The following BCR variants were observed in gnomAD, a reference collection of about 807,000 sequenced individuals.
BCR encodes BCR activator of RhoGEF and GTPase, also known as breakpoint cluster region protein.
BCR carries 58 observed loss-of-function variants against 138.6 expected under a neutral mutation model. That is an observed-to-expected ratio of 0.42 (90% confidence interval 0.34 to 0.52). BCR has a LOEUF of 0.52. BCR is among the 20% of genes least tolerant of loss of function. The probability of loss-of-function intolerance (pLI) is 0.06; values close to 1 mark genes in which losing one functional copy is unlikely to be tolerated. For missense variants in BCR, 1,599 were observed against 1,727.2 expected, an observed-to-expected ratio of 0.93 and a Z score of 1.32; for synonymous variants, 786 against 730.1, an observed-to-expected ratio of 1.08 and a Z score of -1.23.
rs1224552166 is a variant in BCR at position 23,299,976 on chromosome 22, C to G, written c.3012+4821C>G. On this transcript the variant is annotated intron_variant, in intron 16 of 22. Coordinates refer to ENST00000305877, the MANE Select transcript of BCR (RefSeq NM_004327.4). ...ACCATGGGCAGCCTTTTTATCTTAG[C>G]CAGAAGGCTGAGAAGTAATTCCTTC... is the stretch of plus-strand genomic sequence containing the variant. Among the ~76,000 whole-genome samples the G allele has an allele frequency of 4.6e-5, 7 of 152,138 alleles. No homozygotes were observed. In the East Asian group the frequency reaches 1.3e-3, roughly 29 times the overall value.
chr22:23,206,383 G>A (rs536400733), intron 1 of BCR, among the ~76,000 whole-genome samples: 1 of 152,050 alleles, frequency 6.6e-6, no homozygotes, highest in South Asian at 2.1e-4. Flanking sequence ...GACCATCCTG[G>A]CTTACACGGT....
rs5996514 is a variant in BCR at position 23,289,336 on chromosome 22, C to A, written c.2603-181C>A. 3.3e-3 allele frequency among the ~76,000 whole-genome samples: 502 copies of A among 152,344 alleles called. 3 individuals are homozygous for A. Among genetic ancestry groups the A allele is most frequent in the African/African-American group, 0.011 (473 of 41,578 alleles). On this transcript the variant is annotated intron_variant, in intron 12 of 22. Transcript: ENST00000305877. Reference sequence around the variant, plus strand: ...GCCTGGGCTCTCCAGGGCCACACCTCACTCTGCCGCCAGACCAGCACTGCA... The same window carrying A: ...GCCTGGGCTCTCCAGGGCCACACCTAACTCTGCCGCCAGACCAGCACTGCA...
intron 1 of BCR, among the ~76,000 whole-genome samples, chr22:23,249,431 C>CA (rs535635463): frequency 0.023 from 1,489 of 66,004 alleles, 15 homozygotes; most frequent in Middle Eastern, 0.061. Flanking sequence ...GACTCTGTCT[C>CA]AAAAAAAAAA....
At chr22:23,197,971 G>A (rs1340664647) in intron 1 of BCR, among the ~76,000 whole-genome samples, 4 of 152,170 alleles carry the variant, frequency 2.6e-5, no homozygotes, top group Non-Finnish European at 4.4e-5. Flanking sequence ...GGCCAGGAAT[G>A]AAGAGGAAGG....
intron 1 of BCR, among the ~76,000 whole-genome samples, chr22:23,223,722 C>T (rs560172492): frequency 1.3e-5 from 2 of 152,296 alleles, no homozygotes; most frequent in South Asian, 4.1e-4. Context: ...CCCACCCTCC[C>T]AGTGCACAGC....
rs1307353327 is a variant in BCR, at chr22:23,297,207, G to GTTTTTTTTTTTTT, written c.3012+2058_3012+2059insTTTTTTTTTTTTT. ...GTGCCCCACCATGCCTGGCTAAGTTGTTTTTTGTTTTTTGTTTTTTTTTTT... is the reference window on the plus strand; with the variant it reads ...GTGCCCCACCATGCCTGGCTAAGTTGTTTTTTTTTTTTTTTTTTTGTTTTTTGTTTTTTTTTTT... On this transcript the variant is annotated intron_variant, in intron 16 of 22. Transcript: ENST00000305877. Among the ~76,000 whole-genome samples the GTTTTTTTTTTTTT allele has an allele frequency of 7.2e-5, 7 of 97,392 alleles. 1 individual carries two copies. The highest frequency in any genetic ancestry group is 6.6e-4 in the Admixed American group (6 of 9,026). 63.9% of individuals were successfully genotyped at this position (97,392 alleles called of 152,430 possible). A position where few individuals can be genotyped will look rare whatever the true frequency, so the allele number is the denominator to read the frequency against.
intron 1 of BCR, among the ~76,000 whole-genome samples, chr22:23,238,652 A>G (rs1198489783): frequency 6.6e-6 from 1 of 152,076 alleles, no homozygotes; most frequent in East Asian, 1.9e-4. Context: ...CCATTTCTGC[A>G]TGTTGTACCC....
chr22:23,254,569 G>GA (rs2073271080), intron 2 of BCR: 1 of 518,216 alleles, frequency 1.9e-6, no homozygotes, highest in African/African-American at 1.9e-5. Context: ...GTGGACCCAC[G>GA]CCCCCCCTCA....
intron 9 of BCR, 131 bp from the exon 10 acceptor site, chr22:23,284,902 A>G (rs1473467481): frequency 2.0e-6 from 2 of 979,970 alleles, no homozygotes; most frequent in East Asian, 2.7e-5. Context: ...GTCCCATGGA[A>G]CACGTGCTGG....
At chr22:23,259,768 G>A (rs1017997588) in intron 2 of BCR, among the ~76,000 whole-genome samples, 1 of 152,116 alleles carries the variant, frequency 6.6e-6, no homozygotes, top group African/African-American at 2.4e-5. Context: ...TGATCTGCCC[G>A]CCTCGGCCTC....
At chr22:23,291,932 C>T (rs996328221) in intron 14 of BCR, among the ~76,000 whole-genome samples, 3 of 152,134 alleles carry the variant, frequency 2.0e-5, no homozygotes, top group African/African-American at 7.2e-5. Flanking sequence ...CCTCTCCATC[C>T]CCAGTCTCAG....
At chr22:23,295,821 C>T (rs1003856781) in intron 16 of BCR, among the ~76,000 whole-genome samples, 7 of 152,128 alleles carry the variant, frequency 4.6e-5, no homozygotes, top group African/African-American at 1.2e-4. Flanking sequence ...TCATAGCTGG[C>T]GCCCCAGGCC....
chr22:23,266,115 C>CA (rs1021555483), intron 4 of BCR, among the ~76,000 whole-genome samples: 11 of 152,030 alleles, frequency 7.2e-5, no homozygotes, highest in Admixed American at 6.6e-4. Flanking sequence ...GATAGAGTCT[C>CA]ACTCTGTCGC....
In BCR at chr22:23,181,042, G is replaced by A. The variant is rs1397011387; in HGVS notation, c.82G>A (p.Val28Met). Residue 28 changes from valine (V) to methionine (M), a missense_variant, in exon 1 of 23, where the codon GTG becomes ATG. Physicochemically the swap from Val to Met is conservative, Grantham distance 21 (BLOSUM62 1). Around this residue, in one of 4 missense-constraint regions of BCR, gnomAD observed 806 missense variants for 635.0 expected, o/e 1.27. Coordinates refer to ENST00000305877, the MANE Select transcript of BCR (RefSeq NM_004327.4). The stretch of plus-strand genomic sequence containing the variant: ...GCCCCCGCGCATGGAGCTGCGCTCA[G>A]TGGGCGACATCGAGCAGGAGCTGGA... ...SEPPRMELRSVGDIEQELERC... is the reference protein window; with the variant it reads ...SEPPRMELRSMGDIEQELERC... The A allele has an allele frequency of 6.6e-7, 1 of 1,522,230 alleles. No individual in the cohort carries two copies. Among genetic ancestry groups the A allele is most frequent in the South Asian group, 1.2e-5 (1 of 81,746 alleles). The allele number at this position is 1,522,230 out of a possible 1,614,324, so 94.3% of individuals were successfully genotyped here.
chr22:23,277,261 G>C (rs1335640343), intron 8 of BCR, among the ~76,000 whole-genome samples: 2 of 152,210 alleles, frequency 1.3e-5, no homozygotes, highest in Admixed American at 1.3e-4. Context: ...CCCTTTTACA[G>C]ATGAGGAAAC....
chr22:23,234,343 G>A (rs1281023801), intron 1 of BCR, among the ~76,000 whole-genome samples: 1 of 152,192 alleles, frequency 6.6e-6, no homozygotes, highest in African/African-American at 2.4e-5. Context: ...TGGGCCCTGG[G>A]GTGGCCCCAT....
At position 23,244,306 on chromosome 22, in the gene BCR, A is replaced by T. The variant is rs765395982; in HGVS notation, c.1280-9493A>T. Reference sequence around the variant, plus strand: ...ATCTCAAAGCCTTTAACTTCATTACATCTGCAAAAAGACTCTTTCCAGGTA... The same window carrying T: ...ATCTCAAAGCCTTTAACTTCATTACTTCTGCAAAAAGACTCTTTCCAGGTA... On this transcript the variant is annotated intron_variant, in intron 1 of 22. Transcript: ENST00000305877. Among the ~76,000 whole-genome samples the T allele has an allele frequency of 2.6e-5, 4 of 152,224 alleles. No individual in the cohort carries two copies. In the South Asian group the frequency reaches 8.3e-4, roughly 31 times the overall value.
intron 3 of BCR, 95 bp from the exon 4 acceptor site, chr22:23,261,260 T>A: frequency 7.3e-7 from 1 of 1,373,758 alleles, no homozygotes; most frequent in Non-Finnish European, 1.0e-6. Flanking sequence ...TAAAAGTGCA[T>A]ATGTCAGGTA....
chr22:23,200,525 C>T (rs1277804320), intron 1 of BCR, among the ~76,000 whole-genome samples: 2 of 151,790 alleles, frequency 1.3e-5, no homozygotes, highest in Admixed American at 1.3e-4. Context: ...CTATGTTGCC[C>T]AGGCTACAAG....
Sources: allele counts gnomAD v4.1 joint callset (sites outside exome capture counted in the v4.1 genomes callset), GRCh38; gene constraint gnomAD v4.1.1; regional missense constraint gnomAD v4.1.1; transcripts MANE v1.5; gene names NCBI Gene and HGNC (gene_info 2026-07-23, HGNC 2026-07-21).